The following RSPO1 variants were observed in gnomAD, a reference collection of about 807,000 sequenced individuals.
The protein encoded by RSPO1 is R-spondin-1.
RSPO1 carries 18 observed loss-of-function variants against 26.0 expected under a neutral mutation model. The observed-to-expected ratio is 0.69, with a 90% CI of 0.48 to 1.03. The LOEUF (loss-of-function observed/expected upper bound fraction) is 1.03, where lower values mean the gene tolerates loss of function less well. Among genes scored for constraint, RSPO1 ranks in the 50% least tolerant of loss-of-function variants. RSPO1 has a pLI of 0.00. For synonymous variants in RSPO1, 133 were observed against 137.4 expected, an observed-to-expected ratio of 0.97 and a Z score of 0.22; for missense variants, 309 against 352.3, an observed-to-expected ratio of 0.88 and a Z score of 0.98.
chr1:37,625,725 C>G (rs1644265890), intron 3 of RSPO1, among the ~76,000 whole-genome samples: 1 of 151,144 alleles, frequency 6.6e-6, no homozygotes, highest in Admixed American at 6.6e-5. Context: ...GTCACCCAAG[C>G]TGGAGTGTAA....
intron 3 of RSPO1, among the ~76,000 whole-genome samples, chr1:37,624,275 G>A (rs2148176159): frequency 6.6e-6 from 1 of 152,258 alleles, no homozygotes; most frequent in African/African-American, 2.4e-5. Context: ...AGAAAAGAAG[G>A]AACAAAAGCA....
At position 37,612,499 on chromosome 1, in the gene RSPO1, G is replaced by GGTGT. The variant is rs139353088; in HGVS notation, c.*252_*255dup. The GGTGT allele has an allele frequency of 0.23, 117,318 of 504,000 alleles. 6,233 individuals carry two copies. Among genetic ancestry groups the GGTGT allele is most frequent in the East Asian group, 0.3 (8,405 of 27,878 alleles). The allele number at this position is 504,000 out of a possible 1,614,324, so 31.2% of individuals were successfully genotyped here. On this transcript the variant is annotated 3_prime_UTR_variant, in exon 7 of 7. Coordinates refer to ENST00000356545, the MANE Select transcript of RSPO1 (RefSeq NM_001242908.2). ...ATGGAAGTGTCTTCTGGTGGCCTCAGGTGTGTGTGTGTGTGTGTGTGTATG... is the reference window on the plus strand; with the variant it reads ...ATGGAAGTGTCTTCTGGTGGCCTCAGGTGTGTGTGTGTGTGTGTGTGTGTGTATG...
At chr1:37,625,412 G>T (rs924303181) in intron 3 of RSPO1, among the ~76,000 whole-genome samples, 1 of 152,202 alleles carries the variant, frequency 6.6e-6, no homozygotes, top group African/African-American at 2.4e-5. Flanking sequence ...TGGGTGGAGA[G>T]AACTCACCGT....
chr1:37,622,949 G>A (rs1415322358), intron 3 of RSPO1, among the ~76,000 whole-genome samples: 1 of 152,058 alleles, frequency 6.6e-6, no homozygotes, highest in East Asian at 1.9e-4. Flanking sequence ...TGGGGATGGG[G>A]AATGTGATTA....
chr1:37,625,587 A>C (rs1644263403), intron 3 of RSPO1, among the ~76,000 whole-genome samples: 1 of 152,022 alleles, frequency 6.6e-6, no homozygotes, highest in African/African-American at 2.4e-5. Context: ...CTCAGGCCAC[A>C]TGCTGTCCCA....
At chr1:37,626,526 C>T (rs1311346970) in intron 3 of RSPO1, among the ~76,000 whole-genome samples, 2 of 152,230 alleles carry the variant, frequency 1.3e-5, no homozygotes, top group African/African-American at 4.8e-5. Context: ...CCCCCACTCG[C>T]TTGCGGGCTC....
Position 37,616,669 on chromosome 1 carries a change from G to A in RSPO1, c.101C>T (p.Ala34Val), listed in dbSNP as rs772394075. The change falls in exon 4 of 7, where the codon GCC becomes GTC. Residue 34 changes from alanine (A) to valine (V), a missense_variant. Transcript: ENST00000356545. ...TTTGGCACAGGCCTGGCTCCCCTCG[G>A]CACTGACTGCAAAGGTGGAGCAGGC... The part of the protein sequence containing the change: ...IKGKRQRRIS[A>V]EGSQACAKGC... 21 of 1,613,780 alleles carry A rather than the reference G, an allele frequency of 1.3e-5. No homozygotes were observed. Among genetic ancestry groups the A allele is most frequent in the African/African-American group, 4.0e-5 (3 of 74,940 alleles).
chr1:37,626,445 T>C (rs1245701712), intron 3 of RSPO1, among the ~76,000 whole-genome samples: 1 of 152,074 alleles, frequency 6.6e-6, no homozygotes, highest in Non-Finnish European at 1.5e-5. Context: ...TCCTCCCAAC[T>C]CCCCGGGGCT....
At chr1:37,626,197 G>A (rs757372848) in intron 3 of RSPO1, among the ~76,000 whole-genome samples, 17 of 152,006 alleles carry the variant, frequency 1.1e-4, no homozygotes, top group African/African-American at 3.6e-4. Context: ...TTAATAACCC[G>A]ACCTCTACCC....
Position 37,612,610 on chromosome 1 carries a change from C to T in RSPO1, c.*145G>A, listed in dbSNP as rs759234775. 3.6e-6 allele frequency: 3 copies of T among 841,966 alleles called. No individual in the cohort carries two copies. Among genetic ancestry groups the T allele is most frequent in the Non-Finnish European group, 5.9e-6 (3 of 504,772 alleles). The allele number at this position is 841,966 out of a possible 1,614,324, so 52.2% of individuals were successfully genotyped here. ...TTGTATATGTGGACAGGGGTTTGAG[C>T]GTGTGTGTCTTGTGTCTATGTATGC... On this transcript the variant is annotated 3_prime_UTR_variant, in exon 7 of 7. Transcript: ENST00000356545.
chr1:37,621,760 GTTCTTTTTTCTTTT>G (rs546386523), intron 3 of RSPO1, among the ~76,000 whole-genome samples: 3 of 151,402 alleles, frequency 2.0e-5, no homozygotes, highest in African/African-American at 7.3e-5. Context: ...GAGACGCTGA[GTTCTTTTTTCTTTT>G]TTCTTTTTTC....
At chr1:37,627,469 A>G (rs999846044) in intron 3 of RSPO1, among the ~76,000 whole-genome samples, 2 of 152,088 alleles carry the variant, frequency 1.3e-5, no homozygotes, top group Non-Finnish European at 2.9e-5. Flanking sequence ...GGCCAACATG[A>G]CAAAACTTTG....
At chr1:37,624,409 G>A (rs1172938544) in intron 3 of RSPO1, among the ~76,000 whole-genome samples, 2 of 152,078 alleles carry the variant, frequency 1.3e-5, no homozygotes, top group African/African-American at 4.8e-5. Flanking sequence ...TTGTGGGGGA[G>A]GGAGCCTCCT....
chr1:37,630,528 C>T (rs756679585), intron 2 of RSPO1, among the ~76,000 whole-genome samples: 9 of 152,352 alleles, frequency 5.9e-5, no homozygotes, highest in Non-Finnish European at 8.8e-5. Context: ...ACAGCAGGCC[C>T]GGCGGGCCTG....
chr1:37,631,121 G>A (rs1644355453), intron 2 of RSPO1, among the ~76,000 whole-genome samples: 1 of 151,968 alleles, frequency 6.6e-6, no homozygotes, highest in Admixed American at 6.6e-5. Flanking sequence ...GCTCTTCAGT[G>A]CCAGTCCACC....
chr1:37,612,628 A>G lies in RSPO1; in HGVS notation c.*127T>C, dbSNP rs4652964. The G allele has an allele frequency of 0.51, 492,178 of 962,682 alleles. 130,175 individuals are homozygous for G. The highest frequency in any genetic ancestry group is 0.67 in the East Asian group (28,038 of 41,552). The allele number at this position is 962,682 out of a possible 1,614,324, so 59.6% of individuals were successfully genotyped here. ...GTTTGAGCGTGTGTGTCTTGTGTCT[A>G]TGTATGCATGGATGGATTGGAGTGT... is the stretch of plus-strand genomic sequence containing the variant. On this transcript the variant is annotated 3_prime_UTR_variant, in exon 7 of 7. Coordinates refer to ENST00000356545, the MANE Select transcript of RSPO1 (RefSeq NM_001242908.2).
Position 37,612,598 on chromosome 1 carries a change from C to T in RSPO1, c.*157G>A. ...AAGTATGTATGGTTGTATATGTGGACAGGGGTTTGAGCGTGTGTGTCTTGT... is the reference window on the plus strand; with the variant it reads ...AAGTATGTATGGTTGTATATGTGGATAGGGGTTTGAGCGTGTGTGTCTTGT... On this transcript the variant is annotated 3_prime_UTR_variant, in exon 7 of 7. Transcript: ENST00000356545. 1.3e-6 allele frequency: 1 copy of T among 773,812 alleles called. No homozygotes were observed. The highest frequency in any genetic ancestry group is 1.5e-5 in the South Asian group (1 of 65,828). 47.9% of individuals were successfully genotyped at this position (773,812 alleles called of 1,614,324 possible). A position where few individuals can be genotyped will look rare whatever the true frequency, so the allele number is the denominator to read the frequency against.
At chr1:37,624,039 C>T (rs561310980) in intron 3 of RSPO1, among the ~76,000 whole-genome samples, 2 of 152,036 alleles carry the variant, frequency 1.3e-5, no homozygotes, top group African/African-American at 2.4e-5. Context: ...GGATTACAGG[C>T]GTGAGCCACC....
chr1:37,627,768 G>T (rs190028289), intron 3 of RSPO1, among the ~76,000 whole-genome samples: 1 of 152,136 alleles, frequency 6.6e-6, no homozygotes, highest in African/African-American at 2.4e-5. Flanking sequence ...TCCTGATTGC[G>T]ATGACTATGG....
Sources: gnomAD v4.1 joint callset for allele counts (sites outside exome capture counted in the v4.1 genomes callset) on GRCh38, gnomAD v4.1.1 for gene constraint, MANE v1.5 for transcripts, NCBI Gene and HGNC (gene_info 2026-07-23, HGNC 2026-07-21) for gene names.